RTN1: variants seen among roughly 807,000 people sequenced by gnomAD.
The protein encoded by RTN1 is reticulon 1.
In RTN1, 25 loss-of-function variants were observed where a neutral mutation model predicts 65.5. That is an observed-to-expected ratio of 0.38 (90% confidence interval 0.28 to 0.53). The LOEUF (loss-of-function observed/expected upper bound fraction) is 0.53, where lower values mean the gene tolerates loss of function less well. RTN1 is among the 20% of genes least tolerant of loss of function. The pLI is 0.79. For missense variants in RTN1, 983 were observed against 1,025.4 expected (o/e 0.96, Z 0.57); for synonymous variants, 471 against 447.6 (o/e 1.05, Z -0.66).
intron 5 of RTN1, 130 bp downstream of exon 5, chr14:59,605,238 G>A (rs985442370): frequency 2.3e-6 from 2 of 887,762 alleles, no homozygotes; most frequent in East Asian, 2.7e-5. Context: ...CCATACAACT[G>A]GAGGTCTTCT....
chr14:59,597,731 A>T (rs1479008167), intron 8 of RTN1, among the ~76,000 whole-genome samples: 2 of 152,176 alleles, frequency 1.3e-5, no homozygotes, highest in Non-Finnish European at 1.5e-5. Context: ...GGTGTGTACC[A>T]CCTCTTTTAA....
rs969778020 is a variant in RTN1 at position 59,846,440 on chromosome 14, C to T, written c.241+23950G>A. On this transcript the variant is annotated intron_variant, in intron 1 of 8. Transcript: ENST00000267484. The surrounding 1 kb of genome is among the most constrained non-coding windows in gnomAD (Gnocchi z 4.8). ...CGTGTGTACACACACACGTGTGTAC[C>T]ACACACATCCACACTCATCTGTCAC... Among the ~76,000 whole-genome samples the T allele has an allele frequency of 1.3e-5, 2 of 151,934 alleles. No individual in the cohort carries two copies. Among genetic ancestry groups the T allele is most frequent in the Non-Finnish European group, 2.9e-5 (2 of 67,976 alleles).
chr14:59,673,241 ATGT>A (rs1472309426), intron 3 of RTN1, among the ~76,000 whole-genome samples: 1 of 152,102 alleles, frequency 6.6e-6, no homozygotes, highest in Non-Finnish European at 1.5e-5. Context: ...CCCCCAAGAA[ATGT>A]TGTGGCTTTT....
intron 3 of RTN1, among the ~76,000 whole-genome samples, chr14:59,693,812 T>C (rs1285341578): frequency 5.9e-5 from 9 of 152,220 alleles, no homozygotes; most frequent in Non-Finnish European, 1.3e-4. Context: ...TCTTATCATG[T>C]TTGAGACAAT....
chr14:59,798,862 T>G (rs1886488026), intron 1 of RTN1, among the ~76,000 whole-genome samples: 1 of 152,080 alleles, frequency 6.6e-6, no homozygotes, highest in African/African-American at 2.4e-5. Context: ...GTTAATAAAT[T>G]TACAGATAAA....
chr14:59,788,060 C>T (rs1174649040), intron 1 of RTN1, among the ~76,000 whole-genome samples: 1 of 152,128 alleles, frequency 6.6e-6, no homozygotes, highest in African/African-American at 2.4e-5. Flanking sequence ...CTGTCTCATT[C>T]TCTGTAATGA....
At chr14:59,733,079 C>CT (rs5809048) in intron 2 of RTN1, among the ~76,000 whole-genome samples, 19,718 of 145,708 alleles carry the variant, frequency 0.14, 1,519 homozygotes, top group South Asian at 0.27. Context: ...GGTCAGACTG[C>CT]TTTTTTTTTT....
intron 1 of RTN1, among the ~76,000 whole-genome samples, chr14:59,858,756 T>G (rs1043345384): frequency 6.6e-6 from 1 of 152,094 alleles, no homozygotes; most frequent in African/African-American, 2.4e-5. Context: ...ATACAGATAG[T>G]GAGGCAGAGA....
At chr14:59,629,024 G>A (rs1882474755) in intron 3 of RTN1, among the ~76,000 whole-genome samples, 1 of 152,136 alleles carries the variant, frequency 6.6e-6, no homozygotes. Context: ...TAAACTGGAT[G>A]GATCTAAACA....
chr14:59,600,491 T>C (rs543376136), intron 8 of RTN1, among the ~76,000 whole-genome samples: 2 of 152,326 alleles, frequency 1.3e-5, no homozygotes, highest in African/African-American at 4.8e-5. Flanking sequence ...CTAACAATCA[T>C]GTTCTTAACT....
chr14:59,855,323 G>T (rs1309322323), intron 1 of RTN1, among the ~76,000 whole-genome samples: 1 of 152,082 alleles, frequency 6.6e-6, no homozygotes, highest in African/African-American at 2.4e-5. Context: ...TCTTCACTCT[G>T]CTGTCGAGCC....
chr14:59,869,475 A>G (rs1250194962), intron 1 of RTN1, among the ~76,000 whole-genome samples: 1 of 150,236 alleles, frequency 6.7e-6, no homozygotes. Context: ...GGATCCTTTG[A>G]CCAGGATGCG....
At chr14:59,815,616 T>G (rs1886806260) in intron 1 of RTN1, among the ~76,000 whole-genome samples, 2 of 152,344 alleles carry the variant, frequency 1.3e-5, no homozygotes, top group Non-Finnish European at 2.9e-5. Flanking sequence ...CAGGCACTTC[T>G]GCAGAAGGTC....
intron 2 of RTN1, among the ~76,000 whole-genome samples, chr14:59,737,456 G>T (rs562042406): frequency 1.3e-5 from 2 of 152,244 alleles, no homozygotes; most frequent in African/African-American, 4.8e-5. Context: ...AGCTAACAAG[G>T]GATGTGAAGG....
chr14:59,765,906 A>T (rs1406176665), intron 1 of RTN1, among the ~76,000 whole-genome samples: 3 of 152,184 alleles, frequency 2.0e-5, no homozygotes, highest in Admixed American at 2.0e-4. Flanking sequence ...TGGGCCACAA[A>T]CAAAAGTCAG....
intron 1 of RTN1, among the ~76,000 whole-genome samples, chr14:59,864,143 TCA>T (rs1003013410): frequency 3.3e-5 from 5 of 152,162 alleles, no homozygotes; most frequent in African/African-American, 1.2e-4. Flanking sequence ...GTGGCTCTCA[TCA>T]CACTCAGAGT....
At chr14:59,834,393 T>C (rs1001116799) in intron 1 of RTN1, among the ~76,000 whole-genome samples, 2 of 152,160 alleles carry the variant, frequency 1.3e-5, no homozygotes, top group Admixed American at 6.5e-5. Context: ...CTTGTCCTCT[T>C]TAAAAGAGAC....
At chr14:59,602,998 A>ATCCTAATCCACTCAAATGC in intron 8 of RTN1, 67 bp downstream of exon 8, 1 of 1,281,646 alleles carries the variant, frequency 7.8e-7, no homozygotes, top group Admixed American at 1.8e-5. Context: ...CATTACCCCT[A>ATCCTAATCCACTCAAATGC]TCCTAATCCA....
chr14:59,867,964 T>C (rs1294122725), intron 1 of RTN1, among the ~76,000 whole-genome samples: 1 of 152,178 alleles, frequency 6.6e-6, no homozygotes, highest in Non-Finnish European at 1.5e-5. Flanking sequence ...TCTAGCACTG[T>C]GAGAAAATAA....
Sources: gnomAD v4.1 joint callset for allele counts (sites outside exome capture counted in the v4.1 genomes callset) on GRCh38, gnomAD v4.1.1 for gene constraint, Gnocchi (gnomAD v3.1) non-coding constraint, MANE v1.5 for transcripts, NCBI Gene and HGNC (gene_info 2026-07-23, HGNC 2026-07-21) for gene names.